The following CCDC88A variants were observed in gnomAD, a reference collection of about 807,000 sequenced individuals.
CCDC88A encodes the protein coiled-coil and HOOK domain protein 88A.
A neutral mutation model predicts 234.3 loss-of-function variants in CCDC88A; 54 were observed. The ratio of observed to expected loss-of-function variants is 0.23; its 90% CI spans 0.19 to 0.29. The LOEUF (loss-of-function observed/expected upper bound fraction) is 0.29. CCDC88A is among the 10% of genes least tolerant of loss of function. CCDC88A has a pLI of 1.00. For missense variants in CCDC88A, 1,832 were observed against 2,123.4 expected, an observed-to-expected ratio of 0.86 and a Z score of 2.70; for synonymous variants, 753 against 737.8, an observed-to-expected ratio of 1.02 and a Z score of -0.33.
intron 26 of CCDC88A, 127 bp from the exon 27 acceptor site, chr2:55,302,199 A>ACATGGTC (rs1323357618): frequency 2.9e-6 from 2 of 693,120 alleles, no homozygotes; most frequent in East Asian, 5.4e-5. Flanking sequence ...AATTATAACC[A>ACATGGTC]CATGGTCATT....
chr2:55,324,483 T>C (rs1013254838), intron 17 of CCDC88A: 1 of 152,202 alleles, frequency 6.6e-6, no homozygotes, highest in Non-Finnish European at 1.5e-5. Context: ...GTGTGTGTGT[T>C]TCTGAGTATA....
At chr2:55,294,892 C>T in intron 31 of CCDC88A, 1 of 1,087,206 alleles carries the variant, frequency 9.2e-7, no homozygotes, top group Non-Finnish European at 1.1e-6. Flanking sequence ...GGTGTGGTTA[C>T]ACATTCACAT....
chr2:55,316,039 A>G lies in CCDC88A; in HGVS notation c.3822T>C (p.Leu1274=). The G allele has an allele frequency of 1.3e-6, 2 of 1,589,532 alleles. No homozygotes were observed. Among genetic ancestry groups the G allele is most frequent in the Non-Finnish European group, 1.7e-6 (2 of 1,164,626 alleles). The part of the protein sequence containing the change: ...LQTDHKNLKS[L]LNNSKLEQTR... ...TTTGTTCCAGTTTGGAATTATTCAG[A>G]AGACTTTTCAAATTTTTATGGTCAG... The change falls in exon 22 of 33, where the codon CTT becomes CTC. Residue 1274 remains leucine, a synonymous_variant. Coordinates refer to ENST00000436346, the MANE Select transcript of CCDC88A (RefSeq NM_001365480.1).
chr2:55,387,731 G>C (rs1047024429), intron 3 of CCDC88A, among the ~76,000 whole-genome samples: 34 of 135,460 alleles, frequency 2.5e-4, no homozygotes, highest in African/African-American at 8.9e-4. Context: ...GCAGTGAGAT[G>C]AGATTGCGCC....
chr2:55,399,526 CAAA>C (rs34218112), intron 2 of CCDC88A, among the ~76,000 whole-genome samples: 1 of 88,430 alleles, frequency 1.1e-5, no homozygotes, highest in Non-Finnish European at 2.3e-5. Context: ...GACTCTGTCT[CAAA>C]AAAAAAAAAA....
chr2:55,414,765 C>T (rs1196337589), intron 2 of CCDC88A, among the ~76,000 whole-genome samples: 1 of 152,044 alleles, frequency 6.6e-6, no homozygotes, highest in Non-Finnish European at 1.5e-5. Flanking sequence ...GATGAAAAAA[C>T]TTATATAATA....
At chr2:55,297,390 T>TTATGTA (rs1680308492) in intron 29 of CCDC88A, among the ~76,000 whole-genome samples, 1 of 110,384 alleles carries the variant, frequency 9.1e-6, no homozygotes, top group Non-Finnish European at 1.7e-5. Flanking sequence ...TAAATATATA[T>TTATGTA]TATATATAAA....
chr2:55,326,046 G>C (rs1208956711), intron 17 of CCDC88A, among the ~76,000 whole-genome samples: 2 of 152,064 alleles, frequency 1.3e-5, no homozygotes, highest in East Asian at 3.9e-4. Context: ...ATTAATCTCT[G>C]TCTTTTAACT....
At position 55,317,105 on chromosome 2, in the gene CCDC88A, G is replaced by GT; in HGVS notation, c.3746+100dup. ...CAAAGGGGCAGTATATAGTTTGGAT[G>GT]TAAGAAATAATACATAATTTTGAAA... On this transcript the variant is annotated intron_variant, in intron 21 of 32. Coordinates refer to ENST00000436346, the MANE Select transcript of CCDC88A (RefSeq NM_001365480.1). This position sits in a 1 kb window ranked among gnomAD's most constrained non-coding sequence, Gnocchi z 4.2. 2.4e-6 allele frequency: 1 copy of GT among 408,768 alleles called. No homozygotes were observed. The highest frequency in any genetic ancestry group is 3.9e-6 in the Non-Finnish European group (1 of 255,506). The allele number at this position is 408,768 out of a possible 1,614,324, so 25.3% of individuals were successfully genotyped here. A position where few individuals can be genotyped will look rare whatever the true frequency, so the allele number is the denominator to read the frequency against.
chr2:55,343,976 C>A, intron 11 of CCDC88A, 184 bp from the exon 12 acceptor site: 1 of 472,936 alleles, frequency 2.1e-6, no homozygotes, highest in Non-Finnish European at 3.6e-6. Context: ...AAGTGTCTGA[C>A]ATCCTTTTAA....
chr2:55,402,278 A>C (rs1179090564), intron 2 of CCDC88A, among the ~76,000 whole-genome samples: 1 of 152,162 alleles, frequency 6.6e-6, no homozygotes, highest in Non-Finnish European at 1.5e-5. Flanking sequence ...ACATTCTTTC[A>C]CTTCTTTGCA....
At chr2:55,344,541 A>T in intron 10 of CCDC88A, 27 bp from the exon 11 acceptor site, 2 of 1,281,850 alleles carry the variant, frequency 1.6e-6, no homozygotes, top group Non-Finnish European at 2.1e-6. Flanking sequence ...CAAATGTGTT[A>T]ATATCTGTTA....
chr2:55,315,448 T>A (rs998339407), intron 22 of CCDC88A: 1 of 152,246 alleles, frequency 6.6e-6, no homozygotes, highest in East Asian at 1.9e-4. Context: ...CCTAACAAGG[T>A]TGTTTTTGAC....
At chr2:55,390,966 C>G (rs1044487254) in intron 2 of CCDC88A, among the ~76,000 whole-genome samples, 3 of 152,152 alleles carry the variant, frequency 2.0e-5, no homozygotes, top group African/African-American at 7.2e-5. Flanking sequence ...ATGGTGGAAG[C>G]CTGTCTTGAA....
In CCDC88A at chr2:55,403,484, A is replaced by G. The variant is rs1246124568; in HGVS notation, c.165-14598T>C. The G allele has an allele frequency of 2.0e-5, 3 of 152,266 alleles. 1 individual carries two copies. The highest frequency in any genetic ancestry group is 7.2e-5 in the African/African-American group (3 of 41,476). The allele number at this position is 152,266 out of a possible 1,614,324, so 9.4% of individuals were successfully genotyped here. A position where few individuals can be genotyped will look rare whatever the true frequency, so the allele number is the denominator to read the frequency against. ...ACCTTACAAGTGTGTAACGAGAAGA[A>G]TACAATGATTGCCCACACAATTTGG... On this transcript the variant is annotated intron_variant, in intron 2 of 32. Transcript: ENST00000436346.
rs149154494 is a variant in CCDC88A at position 55,397,683 on chromosome 2, A to AT, written c.165-8798dup. 9.2e-3 allele frequency among the ~76,000 whole-genome samples: 1,391 copies of AT among 151,982 alleles called. 23 individuals are homozygous for AT. Among genetic ancestry groups the AT allele is most frequent in the African/African-American group, 0.032 (1,315 of 41,490 alleles). On this transcript the variant is annotated intron_variant, in intron 2 of 32. Transcript: ENST00000436346. ...TGTCAAGTTTGTTTCCTTTAAAGTGATTTTTTTCAAAAAAAGTGTTAATGC... is the reference window on the plus strand; with the variant it reads ...TGTCAAGTTTGTTTCCTTTAAAGTGATTTTTTTTCAAAAAAAGTGTTAATGC...
chr2:55,332,434 T>C lies in CCDC88A; in HGVS notation c.2855+132A>G. 1 of 1,366,988 alleles carries C rather than the reference T, an allele frequency of 7.3e-7. No individual in the cohort carries two copies. The highest frequency in any genetic ancestry group is 9.4e-7 in the Non-Finnish European group (1 of 1,059,790). The allele number at this position is 1,366,988 out of a possible 1,614,324, so 84.7% of individuals were successfully genotyped here. A position where few individuals can be genotyped will look rare whatever the true frequency, so the allele number is the denominator to read the frequency against. Reference sequence around the variant, plus strand: ...ACCGCACCCGGCTACAGAACTTTCCTTAAGGGAAGGAAGGAACCAGAAATA... The same window carrying C: ...ACCGCACCCGGCTACAGAACTTTCCCTAAGGGAAGGAAGGAACCAGAAATA... On this transcript the variant is annotated intron_variant, in intron 16 of 32. Coordinates refer to ENST00000436346, the MANE Select transcript of CCDC88A (RefSeq NM_001365480.1). The surrounding 1 kb of genome is among the most constrained non-coding windows in gnomAD (Gnocchi z 4.5).
At chr2:55,397,389 C>T (rs1677807834) in intron 2 of CCDC88A, 1 of 152,004 alleles carries the variant, frequency 6.6e-6, no homozygotes, top group Admixed American at 6.6e-5. Flanking sequence ...GCCACCGTGT[C>T]CAACCTAAGA....
chr2:55,342,897 A>C (rs928281595), intron 12 of CCDC88A, among the ~76,000 whole-genome samples: 1 of 152,166 alleles, frequency 6.6e-6, no homozygotes. Flanking sequence ...CAAGTAGAAC[A>C]ATCTAATACT....
Sources: gnomAD v4.1 joint callset for allele counts (sites outside exome capture counted in the v4.1 genomes callset) on GRCh38, gnomAD v4.1.1 for gene constraint, Gnocchi (gnomAD v3.1) non-coding constraint, MANE v1.5 for transcripts, NCBI Gene and HGNC (gene_info 2026-07-23, HGNC 2026-07-21) for gene names.